PLCH2: variants seen among roughly 807,000 people sequenced by gnomAD.
PLCH2 encodes the protein phospholipase C eta 2, also known as 1-phosphatidylinositol 4,5-bisphosphate phosphodiesterase eta-2.
In PLCH2, 98 loss-of-function variants were observed where a neutral mutation model predicts 134.7. That is an observed-to-expected ratio of 0.73 (90% CI 0.62 to 0.86). The LOEUF (loss-of-function observed/expected upper bound fraction) is 0.86. Ranked by LOEUF, PLCH2 falls within the 40% of genes least tolerant of loss-of-function variation. The pLI, the probability that PLCH2 is intolerant of heterozygous loss-of-function variation, is 0.00. For synonymous variants in PLCH2, 974 were observed against 827.5 expected (o/e 1.18, Z -3.04); for missense variants, 1,994 against 1,986.6 (o/e 1.00, Z -0.07).
Position 2,489,283 on chromosome 1 carries a change from A to G in PLCH2, c.1312A>G (p.Ile438Val). 6.2e-7 allele frequency: 1 copy of G among 1,613,854 alleles called. No homozygotes were observed. The highest frequency in any genetic ancestry group is 8.5e-7 in the Non-Finnish European group (1 of 1,179,844). ...QKKMAQYLTD[I>V]LGDKLDLSSV... The stretch of plus-strand genomic sequence containing the variant: ...GAAAATGGCCCAGTATCTGACTGAC[A>G]TCCTTGGGGACAAGCTGGACCTGTC... The change falls in exon 9 of 22, where the codon ATC (isoleucine) becomes GTC (valine). Residue 438 changes from isoleucine to valine, a missense_variant. Transcript: ENST00000378486.
intron 20 of PLCH2, 134 bp downstream of exon 20, chr1:2,499,854 C>T (rs1643120032): frequency 1.4e-6 from 1 of 704,902 alleles, no homozygotes; most frequent in Non-Finnish European, 2.5e-6. Context: ...CCCCGGGCCT[C>T]TGCTCCTCTA....
intron 2 of PLCH2, among the ~76,000 whole-genome samples, chr1:2,460,713 C>T (rs1308832516): frequency 1.3e-5 from 2 of 152,176 alleles, no homozygotes; most frequent in African/African-American, 4.8e-5. Flanking sequence ...GGCTCCTGGT[C>T]CTGGGGGTGG....
chr1:2,502,478 C>T (rs1430098131), intron 21 of PLCH2, 69 bp downstream of exon 21: 2 of 1,445,938 alleles, frequency 1.4e-6, no homozygotes, highest in South Asian at 1.2e-5. Flanking sequence ...CCTGGACGGC[C>T]CCGGGCCTGC....
chr1:2,437,767 A>G (rs1028629260), intron 2 of PLCH2, among the ~76,000 whole-genome samples: 21 of 152,216 alleles, frequency 1.4e-4, no homozygotes, highest in Non-Finnish European at 7.3e-5. Flanking sequence ...GTGCACACAC[A>G]TATGTATACC....
chr1:2,497,476 A>G (rs759033366), intron 15 of PLCH2, 26 bp from the exon 16 acceptor site: 4 of 1,510,130 alleles, frequency 2.6e-6, no homozygotes, highest in Admixed American at 4.0e-5. Context: ...GGTGCTGACC[A>G]GGGCAGCCTT....
At chr1:2,433,788 G>A (rs1004383745) in intron 2 of PLCH2, among the ~76,000 whole-genome samples, 10 of 152,218 alleles carry the variant, frequency 6.6e-5, no homozygotes, top group African/African-American at 2.4e-4. Flanking sequence ...CTCCTTCGTG[G>A]CTTTGGGTGC....
intron 2 of PLCH2, among the ~76,000 whole-genome samples, chr1:2,460,456 AG>A (rs1159109704): frequency 6.6e-6 from 1 of 152,114 alleles, no homozygotes; most frequent in Admixed American, 6.5e-5. Flanking sequence ...AAGGACGCAG[AG>A]GGTGGCAGGT....
rs370278142 is a variant in PLCH2, at chr1:2,476,606, C to T, written c.18C>T (p.Pro6=). Residue 6 remains proline, a synonymous_variant, in exon 1 of 22, where the codon CCC becomes CCT. Coordinates refer to ENST00000378486, the MANE Select transcript of PLCH2 (RefSeq NM_014638.4). ...GTCAGGCCATGTCTGGTCCATGGCC[C>T]TCCCCCGACAGCCGGACCAAGGGAA... is the stretch of plus-strand genomic sequence containing the variant. MSGPW[P]SPDSRTKGTV... 8.5e-4 allele frequency: 1,341 copies of T among 1,580,426 alleles called. 11 individuals are homozygous for T. In the African/African-American group the frequency reaches 0.017, roughly 20 times the overall value.
chr1:2,417,173 T>C, the PLCH2 span, among the ~76,000 whole-genome samples: 5 of 152,176 alleles, frequency 3.3e-5, no homozygotes, highest in African/African-American at 1.2e-4. Context: ...CTGGGCACCA[T>C]GACCTCGCTG....
Position 2,494,940 on chromosome 1 carries a change from A to G in PLCH2, c.1744A>G (p.Arg582Gly), listed in dbSNP as rs910531108. ...NGRLVVGSFS[R>G]RKKKGSKLKK... is the part of the protein sequence containing the mutation. ...CCGCCTCGTCGTGGGAAGCTTCTCC[A>G]GGCGCAAGGTCCGGCGCAGCTCCCA... Residue 582 changes from arginine (R) to glycine (G), a missense_variant, in exon 12 of 22, where the codon AGG (arginine) becomes GGG (glycine). By Grantham distance (125) the Arg-to-Gly change is moderately radical (BLOSUM62 -2). Transcript: ENST00000378486. 5 of 1,592,456 alleles carry G rather than the reference A, an allele frequency of 3.1e-6. No homozygotes were observed. The highest frequency in any genetic ancestry group is 4.3e-6 in the Non-Finnish European group (5 of 1,172,008).
chr1:2,440,408 C>T lies in PLCH2; in HGVS notation c.115+9779C>T, dbSNP rs867478919. Among the ~76,000 whole-genome samples the T allele has an allele frequency of 2.9e-3, 432 of 146,486 alleles. 5 individuals carry two copies. The highest frequency in any genetic ancestry group is 0.012 in the African/African-American group (419 of 36,082). On this transcript the variant is annotated intron_variant, in intron 2 of 3. Transcript: ENST00000609981. ...AGAGGAGGCCTCTCTCCATGTCTGTCGCTGGCCTTGCCCGGCCCGCCCGGG... is the reference window on the plus strand; with the variant it reads ...AGAGGAGGCCTCTCTCCATGTCTGTTGCTGGCCTTGCCCGGCCCGCCCGGG...
upstream of PLCH2, among the ~76,000 whole-genome samples, chr1:2,465,737 T>C (rs1193232065): frequency 1.3e-5 from 2 of 152,220 alleles, no homozygotes; most frequent in Non-Finnish European, 2.9e-5. Flanking sequence ...CAGGCCGCGG[T>C]GACGGAAATC....
At chr1:2,421,207 A>C (rs1327934723), upstream of PLCH2, among the ~76,000 whole-genome samples, 1 of 152,116 alleles carries the variant, frequency 6.6e-6, no homozygotes. Flanking sequence ...GGCCTCCCAA[A>C]GTGCTGGGGT....
chr1:2,480,924 C>A (rs1436180452), intron 4 of PLCH2, among the ~76,000 whole-genome samples: 2 of 152,228 alleles, frequency 1.3e-5, no homozygotes, highest in East Asian at 3.8e-4. Context: ...GCAAACCAGG[C>A]CCTGGGGCCT....
chr1:2,435,010 G>C (rs1336864950), intron 2 of PLCH2, among the ~76,000 whole-genome samples: 1 of 152,182 alleles, frequency 6.6e-6, no homozygotes, highest in Non-Finnish European at 1.5e-5. Flanking sequence ...CGTGGCCTGC[G>C]AGCCTCAGCA....
intron 1 of PLCH2, among the ~76,000 whole-genome samples, chr1:2,429,657 A>G (rs1638970974): frequency 6.6e-6 from 1 of 152,092 alleles, no homozygotes; most frequent in Admixed American, 6.5e-5. Context: ...TACCAGGGAG[A>G]CCAAAGGGGC....
intron 2 of PLCH2, among the ~76,000 whole-genome samples, chr1:2,432,115 G>C (rs1639098386): frequency 1.3e-5 from 2 of 152,188 alleles, no homozygotes; most frequent in South Asian, 2.1e-4. Flanking sequence ...CCTCCTCTGG[G>C]ACTCACGGCC....
rs1557969859 is a variant in PLCH2, at chr1:2,459,506, T to TGGTGGTCCTCCTTGCC, written c.116-18957_116-18956insGCCGGTGGTCCTCCTT. ...CCTCCTTCCTGGTGGTCCTCCTTCC[T>TGGTGGTCCTCCTTGCC]GGTGGTCCTCCTTCCTGGTGGTCCT... On this transcript the variant is annotated intron_variant, in intron 2 of 3. Coordinates refer to the PLCH2 transcript ENST00000609981. 1.2e-4 allele frequency among the ~76,000 whole-genome samples: 9 copies of TGGTGGTCCTCCTTGCC among 76,030 alleles called. 2 individuals carry two copies. The East Asian group carries it at 2.3e-3, about 20-fold the overall frequency. The allele number at this position is 76,030 out of a possible 152,430, so 49.9% of individuals were successfully genotyped here.
exon 1 of PLCH2, chr1:2,467,656 G>A: frequency 4.9e-6 from 2 of 412,014 alleles, no homozygotes; most frequent in Non-Finnish European, 8.6e-6. Flanking sequence ...GCTCAGCCAA[G>A]ACCAAGGTAA....
Sources: gnomAD v4.1 joint callset for allele counts (sites outside exome capture counted in the v4.1 genomes callset) on GRCh38, gnomAD v4.1.1 for gene constraint, MANE v1.5 for transcripts, NCBI Gene and HGNC (gene_info 2026-07-23, HGNC 2026-07-21) for gene names.